The following ZNF226 variants were observed in gnomAD, a reference collection of about 807,000 sequenced individuals.
ZNF226 encodes the protein Kruppel-associated box protein.
Under a neutral mutation model 11.4 loss-of-function variants are expected in ZNF226, and 6 were observed. The observed-to-expected ratio is 0.53, with a 90% confidence interval of 0.29 to 1.04. The LOEUF is 1.04. Among genes scored for constraint, ZNF226 ranks in the 50% least tolerant of loss-of-function variants. ZNF226 has a pLI of 0.08. For synonymous variants in ZNF226, 350 were observed against 322.8 expected (o/e 1.08, Z -0.90); for missense variants, 1,058 against 956.5 (o/e 1.11, Z -1.40).
intron 2 of ZNF226, 82 bp downstream of exon 2, chr19:44,165,889 G>C (rs992655926): frequency 5.3e-5 from 8 of 152,248 alleles, no homozygotes; most frequent in Non-Finnish European, 1.2e-4. Flanking sequence ...CATGAGAAGT[G>C]ATTATAATTT....
intron 5 of ZNF226, chr19:44,173,393 T>C: frequency 4.6e-6 from 1 of 215,158 alleles, no homozygotes. Flanking sequence ...TCCCTCTGCC[T>C]GAAATAATCT....
intron 5 of ZNF226, chr19:44,175,133 G>A (rs2122479116): frequency 6.5e-7 from 1 of 1,542,010 alleles, no homozygotes; most frequent in Middle Eastern, 2.1e-4. Flanking sequence ...GACTATGAAT[G>A]ACTGCCGGGC....
At chr19:44,172,325 G>A in intron 4 of ZNF226, 111 bp downstream of exon 4, 1 of 1,412,624 alleles carries the variant, frequency 7.1e-7, no homozygotes, top group Non-Finnish European at 9.5e-7. Flanking sequence ...ATTTTTGTGG[G>A]ATGCAGAGAC....
At chr19:44,168,967 T>G (rs191392134) in intron 2 of ZNF226, among the ~76,000 whole-genome samples, 67 of 148,732 alleles carry the variant, frequency 4.5e-4, no homozygotes, top group African/African-American at 1.5e-3. Flanking sequence ...CTTTTGTTTA[T>G]AACAATATAG....
chr19:44,176,554 G>A lies in ZNF226; in HGVS notation c.1292G>A (p.Ser431Asn). The change falls in exon 6 of 6, where the codon AGC becomes AAC. Residue 431 changes from serine (S) to asparagine (N), a missense_variant. Physicochemically the swap from Ser to Asn is conservative, Grantham distance 46. Coordinates refer to ENST00000337433, the MANE Select transcript of ZNF226 (RefSeq NM_001032373.2). ...CEECGKGFIC[S>N]SNLYIHQRVH... ...GAGTGTGGTAAGGGCTTCATTTGTA[G>A]CTCAAATCTTTACATTCATCAGAGA... 1 of 1,614,110 alleles carries A rather than the reference G, an allele frequency of 6.2e-7. No homozygotes were observed. The highest frequency in any genetic ancestry group is 1.3e-5 in the African/African-American group (1 of 75,030).
At chr19:44,189,508 A>T in the ZNF226 span, among the ~76,000 whole-genome samples, 7 of 152,288 alleles carry the variant, frequency 4.6e-5, no homozygotes, top group African/African-American at 1.7e-4. Flanking sequence ...TTGTCATCTG[A>T]TATCTCATGA....
downstream of ZNF226, among the ~76,000 whole-genome samples, chr19:44,179,566 G>A (rs1373103882): frequency 6.6e-6 from 1 of 152,120 alleles, no homozygotes; most frequent in East Asian, 1.9e-4. Context: ...TGCATTTGAA[G>A]CTGCTTCTTA....
At chr19:44,174,993 T>A (rs774142519) in intron 5 of ZNF226, 4 of 1,611,118 alleles carry the variant, frequency 2.5e-6, no homozygotes, top group Non-Finnish European at 3.4e-6. Flanking sequence ...GATACCTTAC[T>A]TGTAAAAGCT....
chr19:44,172,775 T>C, intron 4 of ZNF226, 85 bp from the exon 5 acceptor site: 3 of 1,095,034 alleles, frequency 2.7e-6, no homozygotes, highest in Non-Finnish European at 4.0e-6. Flanking sequence ...TTTCAGTGTC[T>C]TGAATGTGCA....
chr19:44,177,091 CAGG>C lies in ZNF226; in HGVS notation c.1832_1834del (p.Gly611del). 6.2e-7 allele frequency: 1 copy of C among 1,614,046 alleles called. No homozygotes were observed. Among genetic ancestry groups the C allele is most frequent in the Non-Finnish European group, 8.5e-7 (1 of 1,180,000 alleles). On this transcript the variant is annotated inframe_deletion, in exon 6 of 6. Coordinates refer to ENST00000337433, the MANE Select transcript of ZNF226 (RefSeq NM_001032373.2). Reference sequence around the variant, plus strand: ...CTTAAAATTCACTGTAGGATCCACACAGGAGAGAAACCATATAATTGTGAGGAG... The same window carrying C: ...CTTAAAATTCACTGTAGGATCCACACAGAGAAACCATATAATTGTGAGGAG...
Position 44,176,302 on chromosome 19 carries a change from G to T in ZNF226, c.1040G>T (p.Arg347Ile), listed in dbSNP as rs778806469. Residue 347 changes from arginine to isoleucine, a missense_variant, in exon 6 of 6, where the codon AGA becomes ATA. Physicochemically the swap from Arg to Ile is moderately conservative, Grantham distance 97 (BLOSUM62 -3). Coordinates refer to ENST00000337433, the MANE Select transcript of ZNF226 (RefSeq NM_001032373.2). ...CAATGTGGGAAAGGTTTCAGTCGTAGATCAGCACTTAATGTTCATTGCAAG... is the reference window on the plus strand; with the variant it reads ...CAATGTGGGAAAGGTTTCAGTCGTATATCAGCACTTAATGTTCATTGCAAG... ...CKQCGKGFSR[R>I]SALNVHCKVH... 1.2e-5 allele frequency: 20 copies of T among 1,614,078 alleles called. No homozygotes were observed. Among genetic ancestry groups the T allele is most frequent in the Non-Finnish European group, 1.7e-5 (20 of 1,180,032 alleles).
chr19:44,194,382 C>T, the ZNF226 span, among the ~76,000 whole-genome samples: 1 of 152,026 alleles, frequency 6.6e-6, no homozygotes, highest in Admixed American at 6.5e-5. Flanking sequence ...GCAAAGTGAT[C>T]CTGTTATCGC....
chr19:44,179,011 C>T (rs1223604212), downstream of ZNF226, among the ~76,000 whole-genome samples: 1 of 152,068 alleles, frequency 6.6e-6, no homozygotes, highest in East Asian at 1.9e-4. Flanking sequence ...GAAACCCTGT[C>T]TCTACTAAAA....
At position 44,177,574 on chromosome 19, in the gene ZNF226, C is replaced by T. The variant is rs192169263; in HGVS notation, c.2312C>T (p.Thr771Ile). ...GKSFSWRSNL[T>I]VHHRIHVGDK... ...AGCTTCAGTTGGCGATCAAATCTTA[C>T]AGTTCATCACAGAATCCATGTTGGT... Residue 771 changes from threonine to isoleucine, a missense_variant, in exon 6 of 6, where the codon ACA becomes ATA. Physicochemically the swap from Thr to Ile is moderately conservative, Grantham distance 89 (BLOSUM62 -1). Transcript: ENST00000337433. 1.2e-5 allele frequency: 20 copies of T among 1,613,970 alleles called. No individual in the cohort carries two copies. In the East Asian group the frequency reaches 3.8e-4, roughly 31 times the overall value.
chr19:44,186,510 A>G, the ZNF226 span, among the ~76,000 whole-genome samples: 1 of 151,994 alleles, frequency 6.6e-6, no homozygotes. Flanking sequence ...GGTGATTGCT[A>G]GTATATAGAG....
chr19:44,174,330 TA>T (rs1284590368), intron 5 of ZNF226: 2 of 152,220 alleles, frequency 1.3e-5, no homozygotes, highest in Non-Finnish European at 2.9e-5. Flanking sequence ...TAAGGACTTT[TA>T]TTTCTATTTC....
the ZNF226 span, among the ~76,000 whole-genome samples, chr19:44,194,017 G>A: frequency 1.3e-5 from 2 of 152,304 alleles, no homozygotes; most frequent in African/African-American, 4.8e-5. Flanking sequence ...TGACCAAGCT[G>A]TTTTGTTTTA....
the ZNF226 span, among the ~76,000 whole-genome samples, chr19:44,192,977 A>G: frequency 2.6e-5 from 4 of 152,182 alleles, no homozygotes; most frequent in Admixed American, 2.0e-4. Flanking sequence ...AATTTTTTCC[A>G]TAAGATTCAT....
rs188862419 is a variant in ZNF226 at position 44,175,962 on chromosome 19, A to T, written c.700A>T (p.Met234Leu). The T allele has an allele frequency of 1.4e-5, 23 of 1,613,892 alleles. No homozygotes were observed. In the South Asian group the frequency reaches 1.9e-4, roughly 13 times the overall value. ...YRPNDYEKDN[M>L]KILTFDHNSM... ...ACCCAATGATTATGAAAAAGACAAC[A>T]TGAAGATTTTGACATTTGATCACAA... The change falls in exon 6 of 6, where the codon ATG becomes TTG. Residue 234 changes from methionine to leucine, a missense_variant. Coordinates refer to ENST00000337433, the MANE Select transcript of ZNF226 (RefSeq NM_001032373.2).
Sources: allele counts gnomAD v4.1 joint callset (sites outside exome capture counted in the v4.1 genomes callset), GRCh38; gene constraint gnomAD v4.1.1; transcripts MANE v1.5; gene names NCBI Gene and HGNC (gene_info 2026-07-23, HGNC 2026-07-21).